MDGA2: variants seen among roughly 807,000 people sequenced by gnomAD.
MDGA2 encodes MAM domain containing glycosylphosphatidylinositol anchor 2.
Under a neutral mutation model 117.8 loss-of-function variants are expected in MDGA2, and 40 were observed. That is an observed-to-expected ratio of 0.34 (90% CI 0.26 to 0.44). The LOEUF (loss-of-function observed/expected upper bound fraction) is 0.44, where lower values mean the gene tolerates loss of function less well. MDGA2 is among the 20% of genes least tolerant of loss of function. The probability of loss-of-function intolerance (pLI) is 1.00; values close to 1 mark genes in which losing one functional copy is unlikely to be tolerated. For synonymous variants in MDGA2, 452 were observed against 439.0 expected, an observed-to-expected ratio of 1.03 and a Z score of -0.37; for missense variants, 1,123 against 1,250.6, an observed-to-expected ratio of 0.90 and a Z score of 1.54.
At chr14:46,956,521 A>C (rs2138627584) in intron 9 of MDGA2, among the ~76,000 whole-genome samples, 1 of 152,254 alleles carries the variant, frequency 6.6e-6, no homozygotes, top group Non-Finnish European at 1.5e-5. Context: ...CAAAGACAAA[A>C]TTGAAAGTCA....
intron 5 of MDGA2, among the ~76,000 whole-genome samples, chr14:47,119,565 A>T (rs545976108): frequency 6.6e-6 from 1 of 152,238 alleles, no homozygotes; most frequent in South Asian, 2.1e-4. Context: ...ATCACATCAG[A>T]TTGCTTTTTA....
At chr14:47,654,879 G>A (rs1299339896) in intron 1 of MDGA2, among the ~76,000 whole-genome samples, 3 of 152,054 alleles carry the variant, frequency 2.0e-5, no homozygotes, top group Admixed American at 2.0e-4. Flanking sequence ...TGATTCTAAG[G>A]ACGCTAGATT....
intron 1 of MDGA2, among the ~76,000 whole-genome samples, chr14:47,466,261 C>A (rs1291124574): frequency 6.6e-6 from 1 of 151,876 alleles, no homozygotes; most frequent in African/African-American, 2.4e-5. Context: ...GTACAATAAA[C>A]CCATGTGACA....
intron 6 of MDGA2, among the ~76,000 whole-genome samples, chr14:47,071,110 G>T (rs537001664): frequency 1.3e-5 from 2 of 152,308 alleles, no homozygotes; most frequent in Non-Finnish European, 2.9e-5. Flanking sequence ...AATAGGATCA[G>T]TCTAGGGAAT....
intron 3 of MDGA2, among the ~76,000 whole-genome samples, chr14:47,145,008 TA>T (rs1882884432): frequency 6.6e-6 from 1 of 151,824 alleles, no homozygotes; most frequent in African/African-American, 2.4e-5. Flanking sequence ...AAAAATAATT[TA>T]AAAATTACAA....
intron 15 of MDGA2, among the ~76,000 whole-genome samples, chr14:46,847,909 G>C (rs560196041): frequency 6.6e-6 from 1 of 151,960 alleles, no homozygotes; most frequent in Non-Finnish European, 1.5e-5. Context: ...CAAAAAGTAG[G>C]TTTTTAAGTC....
intron 8 of MDGA2, among the ~76,000 whole-genome samples, chr14:47,002,751 A>G (rs1327147714): frequency 6.6e-6 from 1 of 152,072 alleles, no homozygotes; most frequent in African/African-American, 2.4e-5. Context: ...TAATTTATTT[A>G]TACTTGAATT....
intron 2 of MDGA2, among the ~76,000 whole-genome samples, chr14:47,288,968 T>C (rs1027135269): frequency 6.6e-6 from 1 of 152,120 alleles, no homozygotes; most frequent in East Asian, 1.9e-4. Flanking sequence ...AAATGTATCA[T>C]GTTTACAACC....
At chr14:47,454,493 A>G (rs918110155) in intron 1 of MDGA2, among the ~76,000 whole-genome samples, 2 of 152,206 alleles carry the variant, frequency 1.3e-5, no homozygotes, top group African/African-American at 4.8e-5. Context: ...AGCTAATTCG[A>G]TAGTACTATT....
intron 1 of MDGA2, among the ~76,000 whole-genome samples, chr14:47,372,355 T>C (rs1891380524): frequency 6.6e-6 from 1 of 151,848 alleles, no homozygotes; most frequent in Non-Finnish European, 1.5e-5. Context: ...TCCTAATATG[T>C]AAAGAGCTCC....
intron 10 of MDGA2, among the ~76,000 whole-genome samples, chr14:46,904,345 G>T (rs941563904): frequency 6.8e-6 from 1 of 146,346 alleles, no homozygotes; most frequent in Non-Finnish European, 1.5e-5. Flanking sequence ...GAGAGAGAGG[G>T]AGACTCTGTC....
chr14:47,028,374 A>G (rs1470789626), intron 8 of MDGA2, among the ~76,000 whole-genome samples: 1 of 152,208 alleles, frequency 6.6e-6, no homozygotes, highest in Non-Finnish European at 1.5e-5. Context: ...TCCAATTAGA[A>G]AATAACAGTT....
At chr14:47,121,630 C>T (rs1212513277) in intron 5 of MDGA2, among the ~76,000 whole-genome samples, 1 of 152,032 alleles carries the variant, frequency 6.6e-6, no homozygotes, top group African/African-American at 2.4e-5. Context: ...CCACTACCAC[C>T]ACCATAACTA....
At chr14:47,603,468 C>A (rs1161465266) in intron 1 of MDGA2, among the ~76,000 whole-genome samples, 1 of 152,174 alleles carries the variant, frequency 6.6e-6, no homozygotes, top group Non-Finnish European at 1.5e-5. Flanking sequence ...TATCACACTG[C>A]AAAGTGCTAT....
At chr14:47,318,119 G>T (rs1430233802) in intron 1 of MDGA2, among the ~76,000 whole-genome samples, 1 of 147,554 alleles carries the variant, frequency 6.8e-6, no homozygotes, top group Non-Finnish European at 1.5e-5. Flanking sequence ...TGCAAAAGCA[G>T]TCTGATGGTA....
chr14:46,965,999 T>C (rs1468779225), intron 8 of MDGA2, among the ~76,000 whole-genome samples: 1 of 151,998 alleles, frequency 6.6e-6, no homozygotes, highest in South Asian at 2.1e-4. Flanking sequence ...TATTATTATA[T>C]TATACAAGTT....
intron 7 of MDGA2, chr14:47,058,478 C>T: frequency 2.1e-6 from 2 of 966,160 alleles, no homozygotes; most frequent in Non-Finnish European, 1.2e-6. Flanking sequence ...GTGTGAATTT[C>T]CTCAGTATCC....
chr14:47,342,830 T>C (rs953391968), intron 1 of MDGA2: 6 of 336,718 alleles, frequency 1.8e-5, no homozygotes, highest in Non-Finnish European at 2.9e-5. Flanking sequence ...CATGTTGTAC[T>C]TCTATTAAAC....
At position 46,930,580 on chromosome 14, in the gene MDGA2, A is replaced by G. The variant is rs528482717; in HGVS notation, c.2090-10420T>C. On this transcript the variant is annotated intron_variant, in intron 9 of 16. Coordinates refer to ENST00000399232, the MANE Select transcript of MDGA2 (RefSeq NM_001113498.3). ...CTTATATAAGACCGGTTTAATGACA[A>G]ATAATGACTAAGAAGATTCTATTTA... Among the ~76,000 whole-genome samples the G allele has an allele frequency of 1.3e-5, 2 of 152,166 alleles. 1 individual carries two copies. The highest frequency in any genetic ancestry group is 4.1e-4 in the South Asian group (2 of 4,834).
Sources: allele counts gnomAD v4.1 joint callset (sites outside exome capture counted in the v4.1 genomes callset), GRCh38; gene constraint gnomAD v4.1.1; transcripts MANE v1.5; gene names NCBI Gene and HGNC (gene_info 2026-07-23, HGNC 2026-07-21).